The following ARHGEF28 variants were observed in gnomAD, a reference collection of about 807,000 sequenced individuals.
ARHGEF28 encodes the protein 190 kDa guanine nucleotide exchange factor.
ARHGEF28 carries 152 observed loss-of-function variants against 206.6 expected under a neutral mutation model. The ratio of observed to expected loss-of-function variants is 0.74; its 90% confidence interval spans 0.64 to 0.84. The LOEUF is 0.84. Ranked by LOEUF, ARHGEF28 falls within the 40% of genes least tolerant of loss-of-function variation. ARHGEF28 has a pLI of 0.00. For missense variants in ARHGEF28, 2,028 were observed against 2,073.2 expected (o/e 0.98, Z 0.42); for synonymous variants, 763 against 776.4 (o/e 0.98, Z 0.29).
chr5:73,667,237 C>T (rs969424017), intron 1 of ARHGEF28, among the ~76,000 whole-genome samples: 6 of 149,264 alleles, frequency 4.0e-5, no homozygotes, highest in Non-Finnish European at 9.0e-5. Flanking sequence ...CTTTGGGGTC[C>T]CCTTTGCCAA....
chr5:73,683,662 G>A (rs1747250166), intron 1 of ARHGEF28, among the ~76,000 whole-genome samples: 1 of 151,660 alleles, frequency 6.6e-6, no homozygotes, highest in Non-Finnish European at 1.5e-5. Flanking sequence ...CACACACCTG[G>A]CAGAGAGGTT....
intron 2 of ARHGEF28, among the ~76,000 whole-genome samples, chr5:73,722,915 C>T (rs73762176): frequency 0.02 from 3,079 of 152,252 alleles, 102 homozygotes; most frequent in African/African-American, 0.07. Flanking sequence ...TTTAGACCGT[C>T]ATCTTGAGGC....
chr5:73,838,200 CTG>C (rs1757778364), intron 10 of ARHGEF28, among the ~76,000 whole-genome samples: 1 of 152,066 alleles, frequency 6.6e-6, no homozygotes, highest in Non-Finnish European at 1.5e-5. Flanking sequence ...GCATTGTAAA[CTG>C]AGAAATAAAA....
chr5:73,911,159 C>T, intron 34 of ARHGEF28, 116 bp from the exon 35 acceptor site: 1 of 1,080,918 alleles, frequency 9.3e-7, no homozygotes, highest in South Asian at 1.7e-5. Context: ...AAGTGGTAAT[C>T]TTGACCTCAC....
At position 73,753,065 on chromosome 5, in the gene ARHGEF28, G is replaced by A. The variant is rs765520159; in HGVS notation, c.338G>A (p.Cys113Tyr). Reference sequence around the variant, plus strand: ...ACGCAGGCCAATCGCCTCACAGCCTGCAGCCACCAGACCCTGCTGACCCCA... The same window carrying A: ...ACGCAGGCCAATCGCCTCACAGCCTACAGCCACCAGACCCTGCTGACCCCA... The part of the protein sequence containing the change: ...LVTQANRLTA[C>Y]SHQTLLTPFA... The change falls in exon 4 of 36, where the codon TGC becomes TAC. Residue 113 changes from cysteine to tyrosine, a missense_variant. This residue lies in a region of ARHGEF28 where 1,002 missense variants were observed against 1,015.3 expected (regional missense o/e 0.99). Transcript: ENST00000513042. 3.1e-6 allele frequency: 5 copies of A among 1,610,452 alleles called. No individual in the cohort carries two copies. In the East Asian group the frequency reaches 8.9e-5, roughly 29 times the overall value.
Position 73,872,992 on chromosome 5 carries a change from A to AT in ARHGEF28, c.2567-4dup. The stretch of plus-strand genomic sequence containing the variant: ...GTTTAAGGCTTATGTGTGCTCACAC[A>AT]TTTCAGAGCTAATGCAAACAGAGAT... On this transcript the variant is annotated splice_polypyrimidine_tract_variant and splice_region_variant and intron_variant, in intron 21 of 35. Transcript: ENST00000513042. 6.2e-7 allele frequency: 1 copy of AT among 1,613,174 alleles called. No homozygotes were observed. Among genetic ancestry groups the AT allele is most frequent in the Non-Finnish European group, 8.5e-7 (1 of 1,179,362 alleles).
At chr5:73,811,203 C>T (rs1223590575) in intron 9 of ARHGEF28, among the ~76,000 whole-genome samples, 2 of 152,212 alleles carry the variant, frequency 1.3e-5, no homozygotes, top group East Asian at 3.9e-4. Context: ...TTTCCTTGGT[C>T]TACAGACAAC....
intron 2 of ARHGEF28, among the ~76,000 whole-genome samples, chr5:73,691,461 T>C (rs965370559): frequency 1.3e-5 from 2 of 152,170 alleles, no homozygotes; most frequent in Non-Finnish European, 1.5e-5. Flanking sequence ...CAGGGGTTCT[T>C]AGCAGCATCA....
intron 26 of ARHGEF28, 63 bp from the exon 27 acceptor site, chr5:73,891,988 GT>G: frequency 1.4e-6 from 2 of 1,468,296 alleles, no homozygotes; most frequent in Non-Finnish European, 1.8e-6. Context: ...TTTAGCTCAT[GT>G]TTTACGGAGC....
At chr5:73,658,178 T>C (rs1373279223) in intron 1 of ARHGEF28, among the ~76,000 whole-genome samples, 1 of 151,898 alleles carries the variant, frequency 6.6e-6, no homozygotes, top group African/African-American at 2.4e-5. Context: ...CTTTATCAAG[T>C]CCTTCTGCAA....
intron 2 of ARHGEF28, among the ~76,000 whole-genome samples, chr5:73,745,027 C>T (rs1176395030): frequency 6.6e-6 from 1 of 151,994 alleles, no homozygotes; most frequent in Non-Finnish European, 1.5e-5. Flanking sequence ...AGATTCTTCC[C>T]TTGGTTAAGA....
chr5:73,935,145 AT>A (rs1302860180), intron 35 of ARHGEF28, among the ~76,000 whole-genome samples: 1 of 152,198 alleles, frequency 6.6e-6, no homozygotes, highest in African/African-American at 2.4e-5. Context: ...CATATTGACT[AT>A]TCCAAATATG....
chr5:73,789,047 C>T (rs1457838091), intron 7 of ARHGEF28, among the ~76,000 whole-genome samples: 5 of 152,170 alleles, frequency 3.3e-5, no homozygotes, highest in Admixed American at 3.3e-4. Context: ...CATGTATCTA[C>T]ACAAAAACTT....
At chr5:73,853,451 T>C (rs1758825207) in intron 14 of ARHGEF28, among the ~76,000 whole-genome samples, 3 of 152,264 alleles carry the variant, frequency 2.0e-5, no homozygotes, top group African/African-American at 7.2e-5. Context: ...TTGAAACGTT[T>C]TAAACGTTTT....
chr5:73,699,444 C>T (rs904609772), intron 2 of ARHGEF28, among the ~76,000 whole-genome samples: 2 of 152,012 alleles, frequency 1.3e-5, no homozygotes, highest in Non-Finnish European at 2.9e-5. Context: ...TAGGGGAAAA[C>T]TCTAAACAAT....
At chr5:73,744,833 T>A (rs1176451904) in intron 2 of ARHGEF28, among the ~76,000 whole-genome samples, 1 of 152,106 alleles carries the variant, frequency 6.6e-6, no homozygotes, top group East Asian at 1.9e-4. Flanking sequence ...AACTTCCCAT[T>A]TTTGCCTGTT....
At chr5:73,652,550 G>A (rs966928750) in intron 1 of ARHGEF28, among the ~76,000 whole-genome samples, 6 of 152,202 alleles carry the variant, frequency 3.9e-5, no homozygotes, top group Non-Finnish European at 8.8e-5. Context: ...AGGGCTGGAA[G>A]CCAAACAGTT....
intron 1 of ARHGEF28, among the ~76,000 whole-genome samples, chr5:73,650,429 C>T (rs537159123): frequency 4.6e-4 from 70 of 151,694 alleles, no homozygotes; most frequent in African/African-American, 1.6e-3. Flanking sequence ...GGACTACAGG[C>T]GCATGCCACC....
intron 4 of ARHGEF28, among the ~76,000 whole-genome samples, chr5:73,771,177 G>A (rs1401321159): frequency 6.6e-6 from 1 of 152,022 alleles, no homozygotes; most frequent in Admixed American, 6.5e-5. Context: ...TTTTTGGGAG[G>A]GGAAAGAAAA....
Sources: gnomAD v4.1 joint callset for allele counts (sites outside exome capture counted in the v4.1 genomes callset) on GRCh38, gnomAD v4.1.1 for gene constraint, gnomAD v4.1.1 regional missense constraint, MANE v1.5 for transcripts, NCBI Gene and HGNC (gene_info 2026-07-23, HGNC 2026-07-21) for gene names.